The following BMP1 variants were observed in gnomAD, a reference collection of about 807,000 sequenced individuals.
BMP1 encodes bone morphogenetic protein 1.
Under a neutral mutation model 116.8 loss-of-function variants are expected in BMP1, and 63 were observed. The ratio of observed to expected loss-of-function variants is 0.54; its 90% CI spans 0.44 to 0.67. The LOEUF (loss-of-function observed/expected upper bound fraction) is 0.67, where lower values mean the gene tolerates loss of function less well. Ranked by LOEUF, BMP1 falls within the 30% of genes least tolerant of loss-of-function variation. BMP1 has a pLI of 0.00. For missense variants in BMP1, 1,183 were observed against 1,358.9 expected (o/e 0.87, Z 2.04); for synonymous variants, 536 against 533.4 (o/e 1.00, Z -0.07).
At chr8:22,199,814 G>C (rs748874368) in intron 15 of BMP1, among the ~76,000 whole-genome samples, 30 of 152,142 alleles carry the variant, frequency 2.0e-4, no homozygotes, top group South Asian at 4.1e-4. Flanking sequence ...TCTCGATCAG[G>C]CCCCCTCTGA....
intron 9 of BMP1, 141 bp from the exon 10 acceptor site, chr8:22,193,917 A>G (rs2131881921): frequency 1.5e-6 from 1 of 677,178 alleles, no homozygotes; most frequent in South Asian, 2.1e-5. Flanking sequence ...GAAGCCAACC[A>G]GAGGGTATAC....
At chr8:22,193,679 G>C (rs1019609278) in intron 9 of BMP1, among the ~76,000 whole-genome samples, 15 of 152,348 alleles carry the variant, frequency 9.8e-5, no homozygotes, top group African/African-American at 3.1e-4. Context: ...GGCTACTTGG[G>C]AGGCTGAGGC....
Position 22,179,865 on chromosome 8 carries a change from G to A in BMP1, c.961+36G>A. 6.3e-7 allele frequency: 1 copy of A among 1,592,940 alleles called. No homozygotes were observed. The highest frequency in any genetic ancestry group is 1.3e-5 in the African/African-American group (1 of 74,684). On this transcript the variant is annotated intron_variant, in intron 7 of 19. Transcript: ENST00000306385. This position sits in a 1 kb window ranked among gnomAD's most constrained non-coding sequence, Gnocchi z 4.6. ...AGAAGGGATGGGTGAGGGCGTGGAGGGCAGGGCCTGAGGGAGGCAGAGGCC... is the reference window on the plus strand; with the variant it reads ...AGAAGGGATGGGTGAGGGCGTGGAGAGCAGGGCCTGAGGGAGGCAGAGGCC...
At chr8:22,206,764 A>AG (rs34328929) in intron 16 of BMP1, 90 bp from the exon 17 acceptor site, 95 of 1,552,300 alleles carry the variant, frequency 6.1e-5, no homozygotes, top group Non-Finnish European at 6.5e-5. Flanking sequence ...GGAAGAAAGG[A>AG]GGGGGGGCAG....
intron 16 of BMP1, among the ~76,000 whole-genome samples, chr8:22,203,496 G>T (rs776491173): frequency 1.3e-5 from 2 of 152,142 alleles, no homozygotes; most frequent in Non-Finnish European, 2.9e-5. Context: ...GGCGGAGGTT[G>T]CAGTGAGCCG....
Position 22,194,941 on chromosome 8 carries a change from C to A in BMP1, c.1639+22C>A. ...AAAGGTGCCTCCTCTGTTACTCTCC[C>A]CTGCCCCAAGGTGCCTCGTGACCTT... On this transcript the variant is annotated intron_variant, in intron 12 of 19. Coordinates refer to ENST00000306385, the MANE Select transcript of BMP1 (RefSeq NM_006129.5). The surrounding 1 kb of genome is among the most constrained non-coding windows in gnomAD (Gnocchi z 4.5). 6.3e-7 allele frequency: 1 copy of A among 1,587,804 alleles called. No homozygotes were observed. Among genetic ancestry groups the A allele is most frequent in the South Asian group, 1.2e-5 (1 of 86,162 alleles).
At chr8:22,203,241 G>GT (rs1448526475) in intron 16 of BMP1, among the ~76,000 whole-genome samples, 3 of 152,038 alleles carry the variant, frequency 2.0e-5, no homozygotes, top group African/African-American at 7.2e-5. Flanking sequence ...CTGTGTTTCA[G>GT]TTTCCTCATC....
At position 22,194,619 on chromosome 8, in the gene BMP1, T is replaced by A. The variant is rs896386470; in HGVS notation, c.1443+29T>A. On this transcript the variant is annotated intron_variant, in intron 11 of 19. Transcript: ENST00000306385. This position sits in a 1 kb window ranked among gnomAD's most constrained non-coding sequence, Gnocchi z 4.5. ...GGTCAGTGGCCCTGTGATCTGACCT[T>A]TGAATCCAGCAGTTGCTCCCTGGGA... 6.2e-7 allele frequency: 1 copy of A among 1,611,392 alleles called. No homozygotes were observed. The highest frequency in any genetic ancestry group is 8.5e-7 in the Non-Finnish European group (1 of 1,178,048).
intron 1 of BMP1, among the ~76,000 whole-genome samples, chr8:22,169,184 GA>G (rs5890026): frequency 0.31 from 39,906 of 126,794 alleles, 5,699 homozygotes; most frequent in Middle Eastern, 0.45. Flanking sequence ...AAGACTCTGT[GA>G]AAAAAAAAAA....
At position 22,173,654 on chromosome 8, in the gene BMP1, G is replaced by T; in HGVS notation, c.201G>T (p.Gln67His). 1 of 1,613,758 alleles carries T rather than the reference G, an allele frequency of 6.2e-7. No homozygotes were observed. Among genetic ancestry groups the T allele is most frequent in the Non-Finnish European group, 8.5e-7 (1 of 1,179,804 alleles). Residue 67 changes from glutamine to histidine, a missense_variant, in exon 2 of 20, where the codon CAG (glutamine) becomes CAT (histidine). Physicochemically the swap from Gln to His is conservative, Grantham distance 24. This residue lies in a region of BMP1 where 185 missense variants were observed against 158.9 expected (regional missense o/e 1.16). Coordinates refer to ENST00000306385, the MANE Select transcript of BMP1 (RefSeq NM_006129.5). ...ACGAAGAGGACCTGAGGGCCTTCCA[G>T]GTACAGCAGGCTGTGGATCTCAGAC... Reference protein sequence around the residue: ...ALDEEDLRAFQVQQAVDLRRH... With the variant: ...ALDEEDLRAFHVQQAVDLRRH...
intron 15 of BMP1, among the ~76,000 whole-genome samples, chr8:22,200,081 T>G (rs971938168): frequency 3.3e-5 from 5 of 152,064 alleles, no homozygotes; most frequent in Non-Finnish European, 5.9e-5. Context: ...ATTCTGGGGG[T>G]CCACTGGATC....
intron 1 of BMP1, among the ~76,000 whole-genome samples, chr8:22,168,942 G>A (rs1243644006): frequency 2.0e-5 from 3 of 152,160 alleles, no homozygotes; most frequent in Non-Finnish European, 2.9e-5. Flanking sequence ...TAAAGTGGGA[G>A]GATCACTTGA....
chr8:22,208,103 C>T (rs539690125), intron 18 of BMP1, among the ~76,000 whole-genome samples: 1 of 152,264 alleles, frequency 6.6e-6, no homozygotes, highest in African/African-American at 2.4e-5. Context: ...AGGCCAGTCT[C>T]AAACTCCTGA....
chr8:22,194,288 A>G lies in BMP1; in HGVS notation c.1297+114A>G. The G allele has an allele frequency of 6.9e-7, 1 of 1,455,508 alleles. No homozygotes were observed. Among genetic ancestry groups the G allele is most frequent in the African/African-American group, 1.4e-5 (1 of 71,670 alleles). 90.2% of individuals were successfully genotyped at this position (1,455,508 alleles called of 1,614,324 possible). ...ATTGTGGGTTCCCAAGGGAAGAAGC[A>G]GAGAGAATGATGGGATTGCCTGGGA... On this transcript the variant is annotated intron_variant, in intron 10 of 19. Transcript: ENST00000306385. The surrounding 1 kb of genome is among the most constrained non-coding windows in gnomAD (Gnocchi z 4.5).
intron 8 of BMP1, among the ~76,000 whole-genome samples, chr8:22,190,915 C>A (rs1036781790): frequency 2.0e-5 from 3 of 152,188 alleles, no homozygotes; most frequent in African/African-American, 7.2e-5. Flanking sequence ...CCTCGCAGGT[C>A]ACGGTGAACA....
At chr8:22,205,622 A>G (rs1829338836) in intron 16 of BMP1, among the ~76,000 whole-genome samples, 1 of 152,020 alleles carries the variant, frequency 6.6e-6, no homozygotes, top group African/African-American at 2.4e-5. Context: ...AACAAGCAAA[A>G]ATGAAAAAAA....
chr8:22,201,592 G>T, intron 15 of BMP1: 6 of 1,372,050 alleles, frequency 4.4e-6, no homozygotes, highest in Non-Finnish European at 5.7e-6. Flanking sequence ...CCCACAGCTG[G>T]GCCCTGCTCA....
chr8:22,195,650 ATTTT>A, intron 13 of BMP1, 63 bp downstream of exon 13: 3 of 1,316,512 alleles, frequency 2.3e-6, no homozygotes, highest in Admixed American at 2.5e-5. Context: ...CCTGCCCAGA[ATTTT>A]TTTTTTTTTT....
At chr8:22,187,150 C>G (rs1372473388) in intron 8 of BMP1, among the ~76,000 whole-genome samples, 1 of 151,836 alleles carries the variant, frequency 6.6e-6, no homozygotes, top group African/African-American at 2.4e-5. Flanking sequence ...GCCACCACAC[C>G]CGGCTAATTT....
Sources: gnomAD v4.1 joint callset for allele counts (sites outside exome capture counted in the v4.1 genomes callset) on GRCh38, gnomAD v4.1.1 for gene constraint, gnomAD v4.1.1 regional missense constraint, Gnocchi (gnomAD v3.1) non-coding constraint, MANE v1.5 for transcripts, NCBI Gene and HGNC (gene_info 2026-07-23, HGNC 2026-07-21) for gene names.